The following SMIM23 variants were observed in gnomAD, a reference collection of about 807,000 sequenced individuals.
SMIM23 encodes the protein CTB-78H18.1.
SMIM23 carries 10 observed loss-of-function variants against 12.8 expected under a neutral mutation model. That is an observed-to-expected ratio of 0.78 (90% CI 0.48 to 1.32). SMIM23 has a LOEUF of 1.32. Among genes scored for constraint, SMIM23 ranks in the 40% most tolerant of loss-of-function variants. The pLI, the probability that SMIM23 is intolerant of heterozygous loss-of-function variation, is 0.00. For missense variants in SMIM23, 184 were observed against 198.2 expected, an observed-to-expected ratio of 0.93 and a Z score of 0.43; for synonymous variants, 78 against 80.1, an observed-to-expected ratio of 0.97 and a Z score of 0.14.
At chr5:171,777,149 C>T in the SMIM23 span, among the ~76,000 whole-genome samples, 1 of 151,910 alleles carries the variant, frequency 6.6e-6, no homozygotes, top group African/African-American at 2.4e-5. Context: ...ATTCCCTCTC[C>T]GAAGCAGTGA....
intron 1 of SMIM23, among the ~76,000 whole-genome samples, chr5:171,786,309 T>G (rs1046275875): frequency 6.6e-6 from 1 of 152,186 alleles, no homozygotes; most frequent in Admixed American, 6.5e-5. Flanking sequence ...ACTCCTGAAT[T>G]GGAGCGCTCC....
In SMIM23 at chr5:171,790,820, C is replaced by T. The variant is rs1218970670; in HGVS notation, c.251C>T (p.Pro84Leu). 1 of 1,536,070 alleles carries T rather than the reference C, an allele frequency of 6.5e-7. No individual in the cohort carries two copies. The stretch of plus-strand genomic sequence containing the variant: ...GGGCTTGAATATCAGACCAACGAGC[C>T]CTCAGAAGAACCGATAAAGACCATC... Reference protein sequence around the residue: ...PQGLEYQTNEPSEEPIKTIRN... With the variant: ...PQGLEYQTNELSEEPIKTIRN... The change falls in exon 4 of 4, where the codon CCC (proline) becomes CTC (leucine). Residue 84 changes from proline to leucine, a missense_variant. Pro to Leu is a moderately conservative substitution (Grantham distance 98). Coordinates refer to ENST00000523047, the MANE Select transcript of SMIM23 (RefSeq NM_001289970.2).
upstream of SMIM23, among the ~76,000 whole-genome samples, chr5:171,785,600 T>C (rs1755799735): frequency 6.6e-6 from 1 of 152,160 alleles, no homozygotes; most frequent in Non-Finnish European, 1.5e-5. Flanking sequence ...CTTGCAAATA[T>C]AGAAGAAAAT....
At chr5:171,779,018 A>C (rs1755684870), upstream of SMIM23, among the ~76,000 whole-genome samples, 2 of 152,226 alleles carry the variant, frequency 1.3e-5, no homozygotes, top group Non-Finnish European at 2.9e-5. Context: ...TCGCCATAGC[A>C]GGTAGCAAGC....
chr5:171,790,339 T>G lies in SMIM23; in HGVS notation c.157+58T>G. 5.2e-6 allele frequency: 8 copies of G among 1,528,742 alleles called. No individual in the cohort carries two copies. In the South Asian group the frequency reaches 9.5e-5, roughly 18 times the overall value. 94.7% of individuals were successfully genotyped at this position (1,528,742 alleles called of 1,614,324 possible). On this transcript the variant is annotated intron_variant, in intron 2 of 3. Coordinates refer to ENST00000523047, the MANE Select transcript of SMIM23 (RefSeq NM_001289970.2). ...CAAATCCACATGAAGCTTGGTGGAG[T>G]GTTCCAAAGATGGTTGTATGTTAAG...
At chr5:171,777,346 C>T in the SMIM23 span, among the ~76,000 whole-genome samples, 1 of 152,232 alleles carries the variant, frequency 6.6e-6, no homozygotes, top group African/African-American at 2.4e-5. Flanking sequence ...ATGCAATGAG[C>T]CATCCAGGCA....
upstream of SMIM23, among the ~76,000 whole-genome samples, chr5:171,778,725 C>T (rs1755680431): frequency 6.6e-6 from 1 of 152,162 alleles, no homozygotes; most frequent in African/African-American, 2.4e-5. Flanking sequence ...CGTTTCAAAC[C>T]ATCCAGTTTG....
upstream of SMIM23, among the ~76,000 whole-genome samples, chr5:171,778,002 T>C (rs1755668197): frequency 1.3e-5 from 2 of 152,174 alleles, no homozygotes; most frequent in Admixed American, 6.5e-5. Context: ...CCCTTGAACC[T>C]GTGAATATTA....
chr5:171,779,638 T>C (rs1342147727), upstream of SMIM23, among the ~76,000 whole-genome samples: 2 of 152,228 alleles, frequency 1.3e-5, no homozygotes, highest in Non-Finnish European at 2.9e-5. Flanking sequence ...TTGCCAATTA[T>C]GTCATCTCTA....
the SMIM23 span, among the ~76,000 whole-genome samples, chr5:171,777,291 A>G: frequency 2.0e-5 from 3 of 152,248 alleles, no homozygotes. Context: ...GTCGAAGTAC[A>G]GTAAGTCTAG....
At chr5:171,780,639 C>T (rs1313689022), upstream of SMIM23, among the ~76,000 whole-genome samples, 3 of 152,078 alleles carry the variant, frequency 2.0e-5, no homozygotes, top group East Asian at 3.9e-4. Flanking sequence ...GCAGTCCTTA[C>T]GTACCTGCAT....
intron 1 of SMIM23, among the ~76,000 whole-genome samples, chr5:171,789,326 CAT>C (rs1025823595): frequency 6.6e-6 from 1 of 152,328 alleles, no homozygotes; most frequent in South Asian, 2.1e-4. Context: ...AATGGGGACA[CAT>C]ATAGTTGCTC....
At chr5:171,780,088 G>C (rs1223112339), upstream of SMIM23, among the ~76,000 whole-genome samples, 1 of 152,178 alleles carries the variant, frequency 6.6e-6, no homozygotes, top group Admixed American at 6.5e-5. Context: ...TGGGAGACAG[G>C]ACTCAAGCAC....
At chr5:171,780,897 A>G (rs888469481), upstream of SMIM23, among the ~76,000 whole-genome samples, 4 of 152,188 alleles carry the variant, frequency 2.6e-5, no homozygotes, top group Non-Finnish European at 4.4e-5. Flanking sequence ...CAAGAATGGT[A>G]GAGTCCAAAT....
At chr5:171,773,212 T>A in the SMIM23 span, among the ~76,000 whole-genome samples, 1 of 152,182 alleles carries the variant, frequency 6.6e-6, no homozygotes, top group Non-Finnish European at 1.5e-5. Context: ...ACTTTCCTCA[T>A]CTGTAGAATG....
Position 171,785,866 on chromosome 5 carries a change from G to A in SMIM23, c.-6G>A. 1 of 1,535,864 alleles carries A rather than the reference G, an allele frequency of 6.5e-7. No individual in the cohort carries two copies. Among genetic ancestry groups the A allele is most frequent in the Non-Finnish European group, 8.7e-7 (1 of 1,146,618 alleles). Reference sequence around the variant, plus strand: ...GTGGTCCACCCAGGCAGCCAGATCTGAGGCCATGGCAACCCAGCAAGTGGA... The same window carrying A: ...GTGGTCCACCCAGGCAGCCAGATCTAAGGCCATGGCAACCCAGCAAGTGGA... On this transcript the variant is annotated 5_prime_UTR_variant, in exon 1 of 4. Transcript: ENST00000523047.
chr5:171,785,111 A>C (rs1755790416), upstream of SMIM23, among the ~76,000 whole-genome samples: 1 of 152,118 alleles, frequency 6.6e-6, no homozygotes, highest in Non-Finnish European at 1.5e-5. Flanking sequence ...CTGTGTCTTG[A>C]CTATTGTCCT....
At chr5:171,775,198 C>A in the SMIM23 span, among the ~76,000 whole-genome samples, 3 of 152,222 alleles carry the variant, frequency 2.0e-5, no homozygotes, top group Admixed American at 2.0e-4. Context: ...CTAACAGGGT[C>A]TTCCCATCCC....
At chr5:171,775,342 ACCTCCCCCTC>A in the SMIM23 span, among the ~76,000 whole-genome samples, 1 of 134,688 alleles carries the variant, frequency 7.4e-6, no homozygotes, top group East Asian at 2.2e-4. Flanking sequence ...CCCAACCCCC[ACCTCCCCCTC>A]CTTCGGGCCC....
Sources: allele counts gnomAD v4.1 joint callset (sites outside exome capture counted in the v4.1 genomes callset), GRCh38; gene constraint gnomAD v4.1.1; transcripts MANE v1.5; gene names NCBI Gene and HGNC (gene_info 2026-07-23, HGNC 2026-07-21).